The following ZDHHC20 variants were observed in gnomAD, a reference collection of about 807,000 sequenced individuals.
The protein encoded by ZDHHC20 is zDHHC palmitoyltransferase 20.
A neutral mutation model predicts 57.8 loss-of-function variants in ZDHHC20; 43 were observed. That is an observed-to-expected ratio of 0.74 (90% CI 0.58 to 0.96). ZDHHC20 has a LOEUF of 0.96. ZDHHC20 is among the 40% of genes least tolerant of loss of function. The pLI, the probability that ZDHHC20 is intolerant of heterozygous loss-of-function variation, is 0.00. For synonymous variants in ZDHHC20, 157 were observed against 153.0 expected (o/e 1.03, Z -0.19); for missense variants, 391 against 441.1 (o/e 0.89, Z 1.02).
At chr13:21,435,841 G>A (rs374725531) in intron 1 of ZDHHC20, among the ~76,000 whole-genome samples, 1 of 152,238 alleles carries the variant, frequency 6.6e-6, no homozygotes, top group South Asian at 2.1e-4. Flanking sequence ...TCTGGAATCA[G>A]ATGCTAAGAC....
intron 8 of ZDHHC20, among the ~76,000 whole-genome samples, chr13:21,391,392 C>A (rs1432340508): frequency 6.6e-6 from 1 of 152,176 alleles, no homozygotes; most frequent in African/African-American, 2.4e-5. Flanking sequence ...AAAAGTCAAT[C>A]TCATTTCCTC....
In ZDHHC20 at chr13:21,373,633, T is replaced by C. The variant is rs1300480600; in HGVS notation, c.*3063A>G. 1 of 152,270 alleles carries C rather than the reference T, an allele frequency of 6.6e-6. No individual in the cohort carries two copies. Among genetic ancestry groups the C allele is most frequent in the Non-Finnish European group, 1.5e-5 (1 of 68,042 alleles). 9.4% of individuals were successfully genotyped at this position (152,270 alleles called of 1,614,324 possible). On this transcript the variant is annotated 3_prime_UTR_variant, in exon 13 of 13. Transcript: ENST00000400590. ...ACCAAGTCTCCTAATTTGTCTGTAATGGCAATGGCAAGACCTGAACTTCAA... is the reference window on the plus strand; with the variant it reads ...ACCAAGTCTCCTAATTTGTCTGTAACGGCAATGGCAAGACCTGAACTTCAA...
intron 2 of ZDHHC20, among the ~76,000 whole-genome samples, chr13:21,422,972 C>T (rs1383556403): frequency 6.6e-6 from 1 of 152,074 alleles, no homozygotes. Context: ...TATTTCTAAC[C>T]CTCACAGTAA....
intron 8 of ZDHHC20, 51 bp downstream of exon 8, chr13:21,391,669 ATT>A: frequency 3.9e-6 from 6 of 1,536,278 alleles, no homozygotes; most frequent in Non-Finnish European, 5.3e-6. Context: ...TAGATTTCAT[ATT>A]TATTTATGGT....
intron 1 of ZDHHC20, among the ~76,000 whole-genome samples, chr13:21,426,762 C>T (rs371987063): frequency 2.0e-5 from 3 of 152,016 alleles, no homozygotes; most frequent in Admixed American, 6.6e-5. Flanking sequence ...AGTGCCACCA[C>T]GCCTGGCTAA....
At chr13:21,419,508 C>A (rs117999355) in intron 3 of ZDHHC20, among the ~76,000 whole-genome samples, 242 of 152,306 alleles carry the variant, frequency 1.6e-3, no homozygotes, top group South Asian at 7.2e-3. Flanking sequence ...CATACTACAA[C>A]TGAATACTAA....
chr13:21,430,353 C>T (rs984345593), intron 1 of ZDHHC20, among the ~76,000 whole-genome samples: 1 of 151,944 alleles, frequency 6.6e-6, no homozygotes, highest in African/African-American at 2.4e-5. Context: ...CCCAGATAGC[C>T]TCCATTGACA....
At chr13:21,405,080 G>C (rs1266034463) in intron 4 of ZDHHC20, among the ~76,000 whole-genome samples, 2 of 152,098 alleles carry the variant, frequency 1.3e-5, no homozygotes, top group African/African-American at 2.4e-5. Flanking sequence ...AGCCTCTGAT[G>C]AGTGGTGTCA....
intron 1 of ZDHHC20, among the ~76,000 whole-genome samples, chr13:21,453,667 A>AT (rs1884659192): frequency 1.3e-5 from 2 of 152,310 alleles, no homozygotes; most frequent in South Asian, 4.1e-4. Context: ...TAACAGAAAG[A>AT]TATCTGGAAA....
At chr13:21,378,958 T>C (rs1014741674) in intron 11 of ZDHHC20, among the ~76,000 whole-genome samples, 1 of 152,190 alleles carries the variant, frequency 6.6e-6, no homozygotes, top group Non-Finnish European at 1.5e-5. Context: ...TGGAAATACC[T>C]ATTGGCTTTA....
At chr13:21,396,943 G>A (rs1031394771) in intron 7 of ZDHHC20, among the ~76,000 whole-genome samples, 15 of 152,188 alleles carry the variant, frequency 9.9e-5, no homozygotes, top group African/African-American at 3.4e-4. Context: ...TTCTGGTTAG[G>A]AGTCCTTTGT....
chr13:21,375,045 ACT>A lies in ZDHHC20; in HGVS notation c.*1649_*1650del, dbSNP rs1279372744. On this transcript the variant is annotated 3_prime_UTR_variant, in exon 13 of 13. Transcript: ENST00000400590. ...GCTACTTGGGAGGCTGAGGCAGGAG[ACT>A]CTATTGAACCTGGAAGGCAGAGGTT... 2.3e-6 allele frequency: 1 copy of A among 440,346 alleles called. No individual in the cohort carries two copies. The highest frequency in any genetic ancestry group is 2.0e-5 in the African/African-American group (1 of 49,196). 27.3% of individuals were successfully genotyped at this position (440,346 alleles called of 1,614,324 possible).
chr13:21,425,167 C>T (rs769774703), intron 2 of ZDHHC20, among the ~76,000 whole-genome samples: 7 of 152,100 alleles, frequency 4.6e-5, no homozygotes, highest in Non-Finnish European at 8.8e-5. Flanking sequence ...AAAACTTTAG[C>T]TTCCTTAAAC....
chr13:21,431,005 G>A (rs1179049622), intron 1 of ZDHHC20, among the ~76,000 whole-genome samples: 1 of 152,154 alleles, frequency 6.6e-6, no homozygotes, highest in Non-Finnish European at 1.5e-5. Flanking sequence ...GTTATATGGA[G>A]GTATGACAAC....
intron 1 of ZDHHC20, among the ~76,000 whole-genome samples, chr13:21,439,335 AC>A (rs1882884878): frequency 6.6e-6 from 1 of 151,860 alleles, no homozygotes; most frequent in Non-Finnish European, 1.5e-5. Flanking sequence ...CCCTGTTTCT[AC>A]AAAAATTTCA....
intron 1 of ZDHHC20, among the ~76,000 whole-genome samples, chr13:21,440,059 T>C (rs1470914084): frequency 4.6e-5 from 5 of 109,178 alleles, no homozygotes; most frequent in African/African-American, 1.5e-4. Context: ...AGAGTAAGAC[T>C]GTTTCTCAGA....
intron 4 of ZDHHC20, among the ~76,000 whole-genome samples, chr13:21,407,512 T>G (rs183522041): frequency 5.8e-4 from 88 of 152,350 alleles, no homozygotes; most frequent in Non-Finnish European, 9.8e-4. Context: ...CCTTGTAGAT[T>G]CTGGAGATTA....
intron 1 of ZDHHC20, among the ~76,000 whole-genome samples, chr13:21,451,656 C>A (rs1884449718): frequency 6.6e-6 from 1 of 151,798 alleles, no homozygotes; most frequent in Non-Finnish European, 1.5e-5. Context: ...ACAGATGAAC[C>A]TCAAAAACAT....
intron 4 of ZDHHC20, among the ~76,000 whole-genome samples, chr13:21,413,013 A>G (rs1220264449): frequency 6.6e-6 from 1 of 151,980 alleles, no homozygotes; most frequent in African/African-American, 2.4e-5. Context: ...ACAACAAAAA[A>G]AAATTCTTTT....
Sources: allele counts gnomAD v4.1 joint callset (sites outside exome capture counted in the v4.1 genomes callset), GRCh38; gene constraint gnomAD v4.1.1; transcripts MANE v1.5; gene names NCBI Gene and HGNC (gene_info 2026-07-23, HGNC 2026-07-21).